CAMKMT: variants seen among roughly 807,000 people sequenced by gnomAD.
CAMKMT encodes the protein CaM KMT.
In CAMKMT, 53 loss-of-function variants were observed where a neutral mutation model predicts 48.0. The ratio of observed to expected loss-of-function variants is 1.10; its 90% confidence interval spans 0.89 to 1.39. The LOEUF (loss-of-function observed/expected upper bound fraction) is 1.39, where lower values mean the gene tolerates loss of function less well. Ranked by LOEUF, CAMKMT falls within the 40% of genes most tolerant of loss-of-function variation. CAMKMT has a pLI of 0.00. For synonymous variants in CAMKMT, 165 were observed against 152.3 expected, an observed-to-expected ratio of 1.08 and a Z score of -0.61; for missense variants, 428 against 402.7, an observed-to-expected ratio of 1.06 and a Z score of -0.54.
chr2:44,512,220 G>A (rs1289273990), intron 3 of CAMKMT, among the ~76,000 whole-genome samples: 1 of 152,110 alleles, frequency 6.6e-6, no homozygotes, highest in Non-Finnish European at 1.5e-5. Context: ...CAAAAAAGGG[G>A]CAAAAAGTTA....
At chr2:44,563,451 G>C (rs1358719083) in intron 3 of CAMKMT, among the ~76,000 whole-genome samples, 2 of 151,700 alleles carry the variant, frequency 1.3e-5, no homozygotes, top group Non-Finnish European at 2.9e-5. Context: ...TCAAGGGAGA[G>C]TATAGTCATT....
In CAMKMT at chr2:44,639,786, T is replaced by C. The variant is rs148394960; in HGVS notation, c.377-64497T>C. 4.8e-3 allele frequency among the ~76,000 whole-genome samples: 725 copies of C among 152,352 alleles called. 6 individuals are homozygous for C. Among genetic ancestry groups the C allele is most frequent in the African/African-American group, 0.016 (686 of 41,588 alleles). ...CTATTTTTCAGGGTGCCTTATTTAA[T>C]AAAAGTTGATTTGTTGCTTTGGAAA... On this transcript the variant is annotated intron_variant, in intron 3 of 10. Transcript: ENST00000378494.
intron 3 of CAMKMT, among the ~76,000 whole-genome samples, chr2:44,512,199 T>TA (rs1279476015): frequency 6.6e-6 from 1 of 152,202 alleles, no homozygotes; most frequent in African/African-American, 2.4e-5. Context: ...TATGTAATTT[T>TA]GTACACAAGA....
chr2:44,503,984 G>GAGAGAGA (rs1553404273), intron 3 of CAMKMT, among the ~76,000 whole-genome samples: 2 of 142,594 alleles, frequency 1.4e-5, no homozygotes, highest in East Asian at 2.1e-4. Context: ...GAGCGGGTGG[G>GAGAGAGA]GAGAGAGAGA....
intron 3 of CAMKMT, among the ~76,000 whole-genome samples, chr2:44,525,962 C>T (rs969921766): frequency 1.3e-5 from 2 of 152,098 alleles, no homozygotes; most frequent in Admixed American, 6.5e-5. Context: ...CACCCATTAA[C>T]TCGTCATTTA....
At chr2:44,518,170 T>C (rs1046080734) in intron 3 of CAMKMT, among the ~76,000 whole-genome samples, 11 of 152,110 alleles carry the variant, frequency 7.2e-5, no homozygotes, top group Non-Finnish European at 1.5e-4. Flanking sequence ...CTTTTTTTTT[T>C]CAAGAAAATT....
intron 3 of CAMKMT, among the ~76,000 whole-genome samples, chr2:44,667,197 G>C (rs786179): frequency 4.6e-5 from 7 of 152,032 alleles, no homozygotes; most frequent in Non-Finnish European, 1.0e-4. Flanking sequence ...ACAGTTCCCT[G>C]AGGGCCTTAG....
chr2:44,767,059 T>C (rs1393680506), intron 10 of CAMKMT, among the ~76,000 whole-genome samples: 2 of 152,210 alleles, frequency 1.3e-5, no homozygotes, highest in South Asian at 2.1e-4. Context: ...GGGTTATATG[T>C]CAGATGGAGG....
intron 3 of CAMKMT, among the ~76,000 whole-genome samples, chr2:44,466,107 A>G (rs373745545): frequency 1.3e-5 from 2 of 152,200 alleles, no homozygotes; most frequent in African/African-American, 4.8e-5. Flanking sequence ...TTCACTTTTC[A>G]TAAGGGATAG....
rs185002034 is a variant in CAMKMT, at chr2:44,565,866, A to G, written c.377-138417A>G. On this transcript the variant is annotated intron_variant, in intron 3 of 10. Transcript: ENST00000378494. ...AATAAATAGGAAGGCTGACTGTTCT[A>G]AAGTTGATGATGCTATTTCAGATCT... 4.6e-5 allele frequency among the ~76,000 whole-genome samples: 7 copies of G among 152,324 alleles called. No homozygotes were observed. The East Asian group carries it at 1.3e-3, about 29-fold the overall frequency.
chr2:44,456,716 C>G, intron 3 of CAMKMT: 1 of 981,048 alleles, frequency 1.0e-6, no homozygotes, highest in Non-Finnish European at 1.5e-6. Flanking sequence ...TCATGATCTT[C>G]ATTACAATCA....
intron 3 of CAMKMT, among the ~76,000 whole-genome samples, chr2:44,410,407 G>A (rs1265545593): frequency 2.7e-5 from 4 of 149,316 alleles, no homozygotes; most frequent in South Asian, 2.1e-4. Flanking sequence ...ACAGGTGCCC[G>A]CCACCTCGCC....
chr2:44,734,540 G>A (rs900741704), intron 7 of CAMKMT, among the ~76,000 whole-genome samples: 22 of 151,908 alleles, frequency 1.4e-4, no homozygotes, highest in Non-Finnish European at 2.6e-4. Flanking sequence ...CCAGCCTCCT[G>A]AGTGGCTGGG....
chr2:44,481,306 T>C (rs563505271), intron 3 of CAMKMT, among the ~76,000 whole-genome samples: 1 of 152,122 alleles, frequency 6.6e-6, no homozygotes, highest in Non-Finnish European at 1.5e-5. Context: ...AATCTATTTT[T>C]GATGGCATAA....
At chr2:44,674,132 T>G (rs1211165602) in intron 3 of CAMKMT, among the ~76,000 whole-genome samples, 3 of 152,252 alleles carry the variant, frequency 2.0e-5, no homozygotes, top group African/African-American at 7.2e-5. Flanking sequence ...TTGACGTTCC[T>G]GTCCTGGATT....
At chr2:44,578,677 A>G (rs1187723681) in intron 3 of CAMKMT, among the ~76,000 whole-genome samples, 3 of 152,172 alleles carry the variant, frequency 2.0e-5, no homozygotes, top group Non-Finnish European at 4.4e-5. Context: ...GTATTGGGTA[A>G]TGGGATGTGG....
intron 3 of CAMKMT, among the ~76,000 whole-genome samples, chr2:44,628,881 G>C (rs1489490917): frequency 6.6e-6 from 1 of 152,234 alleles, no homozygotes; most frequent in East Asian, 1.9e-4. Context: ...TCAGAGAATA[G>C]AGTCTGGATA....
intron 3 of CAMKMT, among the ~76,000 whole-genome samples, chr2:44,622,531 C>A (rs879409591): frequency 6.6e-6 from 1 of 152,128 alleles, no homozygotes; most frequent in Admixed American, 6.5e-5. Context: ...AATGTCTGTT[C>A]CCATCTTTGA....
At chr2:44,448,128 A>G (rs536118679) in intron 3 of CAMKMT, among the ~76,000 whole-genome samples, 1 of 152,270 alleles carries the variant, frequency 6.6e-6, no homozygotes, top group African/African-American at 2.4e-5. Flanking sequence ...GTGGGGAACT[A>G]ACCAGTTCTA....
Sources: gnomAD v4.1 joint callset for allele counts (sites outside exome capture counted in the v4.1 genomes callset) on GRCh38, gnomAD v4.1.1 for gene constraint, MANE v1.5 for transcripts, NCBI Gene and HGNC (gene_info 2026-07-23, HGNC 2026-07-21) for gene names.